CTNNA1: variants seen among roughly 807,000 people sequenced by gnomAD.
The protein encoded by CTNNA1 is catenin alpha 1, also known as catenin alpha-1.
A neutral mutation model predicts 98.4 loss-of-function variants in CTNNA1; 37 were observed. That is an observed-to-expected ratio of 0.38 (90% CI 0.29 to 0.49). The LOEUF is 0.49. Among genes scored for constraint, CTNNA1 ranks in the 20% least tolerant of loss-of-function variants. CTNNA1 has a pLI of 0.95. For synonymous variants in CTNNA1, 404 were observed against 413.2 expected (o/e 0.98, Z 0.27); for missense variants, 761 against 1,147.2 (o/e 0.66, Z 4.86).
chr5:138,932,852 G>A (rs752437506), intron 17 of CTNNA1, 140 bp downstream of exon 17: 1 of 1,044,950 alleles, frequency 9.6e-7, no homozygotes, highest in Non-Finnish European at 1.5e-6. Context: ...CCCAGTCTCT[G>A]GAGACCAAGG....
intron 1 of CTNNA1, among the ~76,000 whole-genome samples, chr5:138,771,713 C>G (rs1753577042): frequency 6.6e-6 from 1 of 152,066 alleles, no homozygotes; most frequent in African/African-American, 2.4e-5. Context: ...TTGGCAGTTA[C>G]CAGGAGATTT....
At chr5:138,920,616 A>G (rs116280224) in intron 11 of CTNNA1, among the ~76,000 whole-genome samples, 1,602 of 152,314 alleles carry the variant, frequency 0.011, 26 homozygotes, top group African/African-American at 0.037. Flanking sequence ...GTTGTTTTCT[A>G]CTGTCTCCTG....
At chr5:138,828,319 G>C (rs1760928396) in intron 7 of CTNNA1, 1 of 152,180 alleles carries the variant, frequency 6.6e-6, no homozygotes, top group Middle Eastern at 3.4e-3. Flanking sequence ...TAGTGTTTTT[G>C]AATTTTGAAG....
intron 3 of CTNNA1, among the ~76,000 whole-genome samples, chr5:138,795,371 T>C (rs1363750168): frequency 6.6e-6 from 1 of 151,878 alleles, no homozygotes; most frequent in Non-Finnish European, 1.5e-5. Flanking sequence ...GGCAGGAGAA[T>C]TGCTTGAACT....
rs563498592 is a variant in CTNNA1, at chr5:138,847,132, A to G, written c.1062+19414A>G. Among the ~76,000 whole-genome samples, 87 of 152,364 alleles carry G rather than the reference A, an allele frequency of 5.7e-4. No homozygotes were observed. The highest frequency in any genetic ancestry group is 7.9e-4 in the Non-Finnish European group (54 of 68,032). On this transcript the variant is annotated intron_variant, in intron 7 of 17. Coordinates refer to ENST00000302763, the MANE Select transcript of CTNNA1 (RefSeq NM_001903.5). ...AAGGAATTGCAAAAAAAGATGTAGC[A>G]GAAGTTTTAAGTGAAGTGGTTTGTT...
In CTNNA1 at chr5:138,886,274, C is replaced by G. The variant is rs553345139; in HGVS notation, c.1125C>G (p.Thr375=). Residue 375 remains threonine, a synonymous_variant, in exon 8 of 18, where the codon ACC becomes ACG. Coordinates refer to ENST00000302763, the MANE Select transcript of CTNNA1 (RefSeq NM_001903.5). ...CAATAGATAAAATGACCAAGAAGAC[C>G]AGGGACTTGCGTAGACAGGTAATCT... ...NSAIDKMTKK[T]RDLRRQLRKA... 6.2e-7 allele frequency: 1 copy of G among 1,609,220 alleles called. No individual in the cohort carries two copies. The highest frequency in any genetic ancestry group is 1.7e-5 in the Admixed American group (1 of 59,088).
chr5:138,929,867 T>C lies in CTNNA1; in HGVS notation c.2010+511T>C, dbSNP rs116159913. Among the ~76,000 whole-genome samples, 590 of 152,304 alleles carry C rather than the reference T, an allele frequency of 3.9e-3. 2 individuals carry two copies. The highest frequency in any genetic ancestry group is 0.013 in the African/African-American group (560 of 41,574). On this transcript the variant is annotated intron_variant, in intron 14 of 17. Transcript: ENST00000302763. ...TCTAAGGAGTCTTTGATTTCACTCC[T>C]TGGAAATCTGTCGTGAACAGCGAGC...
intron 7 of CTNNA1, chr5:138,871,695 A>G (rs541938854): frequency 3.9e-5 from 6 of 152,294 alleles, no homozygotes; most frequent in South Asian, 2.1e-4. Context: ...GCTGCCTTCA[A>G]GTTACCACTG....
intron 9 of CTNNA1, among the ~76,000 whole-genome samples, chr5:138,901,154 C>CCTCTTTT (rs1292273402): frequency 6.6e-6 from 1 of 151,986 alleles, no homozygotes; most frequent in Non-Finnish European, 1.5e-5. Flanking sequence ...CCTCCCCTCC[C>CCTCTTTT]CTCTTTTCTC....
intron 14 of CTNNA1, among the ~76,000 whole-genome samples, chr5:138,929,963 T>C (rs1764949935): frequency 6.6e-6 from 1 of 152,148 alleles, no homozygotes; most frequent in Admixed American, 6.5e-5. Flanking sequence ...TCCCCAGCCG[T>C]AGGTCTGTGG....
intron 7 of CTNNA1, among the ~76,000 whole-genome samples, chr5:138,850,036 G>C (rs543894992): frequency 6.6e-6 from 1 of 151,940 alleles, no homozygotes; most frequent in Non-Finnish European, 1.5e-5. Context: ...TGTGTCTTTT[G>C]ACTTATATGG....
At chr5:138,801,690 G>C (rs1464260582) in intron 3 of CTNNA1, among the ~76,000 whole-genome samples, 1 of 152,198 alleles carries the variant, frequency 6.6e-6, no homozygotes, top group African/African-American at 2.4e-5. Flanking sequence ...AAAGTGTGTA[G>C]TTGTGTTGCT....
At chr5:138,881,930 G>T (rs773663105) in intron 7 of CTNNA1, among the ~76,000 whole-genome samples, 11 of 152,214 alleles carry the variant, frequency 7.2e-5, no homozygotes, top group Non-Finnish European at 1.6e-4. Flanking sequence ...GCTTACTCTA[G>T]ATTAAAATGA....
chr5:138,769,580 C>T (rs1753304638), intron 1 of CTNNA1, among the ~76,000 whole-genome samples: 1 of 150,464 alleles, frequency 6.6e-6, no homozygotes, highest in Non-Finnish European at 1.5e-5. Flanking sequence ...TTGCCCAGGC[C>T]GGAGTGCAAT....
intron 7 of CTNNA1, among the ~76,000 whole-genome samples, chr5:138,846,804 C>T (rs1313592072): frequency 1.3e-5 from 2 of 152,110 alleles, no homozygotes; most frequent in Non-Finnish European, 2.9e-5. Flanking sequence ...TCATTTCAAG[C>T]TGAGTGTTTT....
chr5:138,888,868 C>T (rs568000268), intron 9 of CTNNA1, among the ~76,000 whole-genome samples: 3 of 152,176 alleles, frequency 2.0e-5, no homozygotes, highest in East Asian at 1.9e-4. Flanking sequence ...AAAAATTTTC[C>T]GAGGAAGACA....
chr5:138,836,271 A>G (rs913966850), intron 7 of CTNNA1, among the ~76,000 whole-genome samples: 42 of 152,264 alleles, frequency 2.8e-4, no homozygotes, highest in African/African-American at 9.6e-4. Flanking sequence ...TTATTAGAGA[A>G]CATGTAAAAA....
chr5:138,762,447 C>T (rs1752469454), intron 1 of CTNNA1, among the ~76,000 whole-genome samples: 1 of 151,874 alleles, frequency 6.6e-6, no homozygotes. Context: ...CAACATTGCC[C>T]TTTCTCTGTT....
intron 8 of CTNNA1, among the ~76,000 whole-genome samples, chr5:138,886,959 C>G (rs905819003): frequency 6.6e-6 from 1 of 151,928 alleles, no homozygotes; most frequent in African/African-American, 2.4e-5. Flanking sequence ...TGATATAAAA[C>G]AAAATTAAAG....
Sources: gnomAD v4.1 joint callset for allele counts (sites outside exome capture counted in the v4.1 genomes callset) on GRCh38, gnomAD v4.1.1 for gene constraint, MANE v1.5 for transcripts, NCBI Gene and HGNC (gene_info 2026-07-23, HGNC 2026-07-21) for gene names.